Variants in TTN observed in about 807,000 individuals in gnomAD.
The protein encoded by TTN is connectin.
TTN carries 1,525 observed loss-of-function variants against 3,223.0 expected under a neutral mutation model. The ratio of observed to expected loss-of-function variants is 0.47; its 90% CI spans 0.45 to 0.49. The LOEUF (loss-of-function observed/expected upper bound fraction) is 0.49, where lower values mean the gene tolerates loss of function less well. Ranked by LOEUF, TTN falls within the 20% of genes least tolerant of loss-of-function variation. The pLI, the probability that TTN is intolerant of heterozygous loss-of-function variation, is 0.00. For synonymous variants in TTN, 14,094 were observed against 15,161.0 expected (o/e 0.93, Z 5.17); for missense variants, 40,786 against 43,424.0 (o/e 0.94, Z 5.40).
chr2:178,750,936 G>T, intron 47 of TTN: 1 of 1,612,766 alleles, frequency 6.2e-7, no homozygotes. Context: ...CCATATAAAT[G>T]GTCTTTTGGT....
intron 6 of TTN, chr2:178,799,226 C>A: frequency 4.2e-6 from 2 of 477,454 alleles, no homozygotes; most frequent in Admixed American, 6.7e-5. Context: ...ATCACCCTGA[C>A]CTGCCACGCC....
In TTN at chr2:178,543,528, T is replaced by C. The variant is rs972033083; in HGVS notation, c.96445A>G (p.Met32149Val). ...NYIVEKREAA[M>V]RAFKTVTTKC... is the part of the protein sequence containing the mutation. Reference sequence around the variant, plus strand: ...GTAGTTACTGTTTTGAATGCTCTCATAGCAGCTTCACGCTTCTCAACGATG... The same window carrying C: ...GTAGTTACTGTTTTGAATGCTCTCACAGCAGCTTCACGCTTCTCAACGATG... Residue 32149 changes from methionine to valine, a missense_variant, in exon 347 of 363, where the codon ATG (methionine) becomes GTG (valine). Coordinates refer to ENST00000589042, the MANE Select transcript of TTN (RefSeq NM_001267550.2). 1.9e-6 allele frequency: 3 copies of C among 1,613,338 alleles called. No homozygotes were observed. Among genetic ancestry groups the C allele is most frequent in the South Asian group, 1.1e-5 (1 of 91,066 alleles).
chr2:178,731,082 T>C lies in TTN; in HGVS notation c.17583A>G (p.Gln5861=). The change falls in exon 60 of 363, where the codon CAA becomes CAG. Residue 5861 remains glutamine, a synonymous_variant. Coordinates refer to ENST00000589042, the MANE Select transcript of TTN (RefSeq NM_001267550.2). ...TATATTTTGAGCCCAGGGTCAGTTC[T>C]TGGCCATCTTTAAACCATTTGGCTG... is the stretch of plus-strand genomic sequence containing the variant. ...EITAKWFKDG[Q]ELTLGSKYKI... The C allele has an allele frequency of 1.2e-6, 2 of 1,613,764 alleles. No homozygotes were observed. The highest frequency in any genetic ancestry group is 1.3e-5 in the African/African-American group (1 of 75,028).
chr2:178,704,405 G>T lies in TTN; in HGVS notation c.29965C>A (p.Pro9989Thr), dbSNP rs1553877891. The T allele has an allele frequency of 7.4e-6, 12 of 1,612,672 alleles. No homozygotes were observed. Among genetic ancestry groups the T allele is most frequent in the Middle Eastern group, 1.7e-4 (1 of 6,060 alleles). Residue 9989 changes from proline to threonine, a missense_variant and splice_region_variant, in exon 106 of 363, where the codon CCT becomes ACT. Coordinates refer to ENST00000589042, the MANE Select transcript of TTN (RefSeq NM_001267550.2). ...TCCTGAAGATGCCGTTCCCATGCAG[G>T]CTCTGTTCATGTGATACAACACGCA... is the stretch of plus-strand genomic sequence containing the variant. The part of the protein sequence containing the change: ...IASAKLTVIE[P>T]AWERHLQDVT...
rs1695244650 is a variant in TTN, at chr2:178,542,835, C to T, written c.97019G>A (p.Trp32340Ter). The T allele has an allele frequency of 6.2e-7, 1 of 1,613,658 alleles. No individual in the cohort carries two copies. The highest frequency in any genetic ancestry group is 8.5e-7 in the Non-Finnish European group (1 of 1,179,788). ...TCTCAGTTTAGAACCAGCAAAGAAC[C>T]AGGAAGCAGCAGGAGGTGGACGGCC... is the stretch of plus-strand genomic sequence containing the variant. Reference protein sequence around the residue: ...IAGRPPPAASWFFAGSKLRES... With the variant: ...IAGRPPPAAS Residue 32340 changes from tryptophan to a stop codon, truncating the protein, a stop_gained, in exon 348 of 363, where the codon TGG becomes TAG. Transcript: ENST00000589042. LOFTEE classifies it high-confidence loss of function.
chr2:178,566,379 C>T lies in TTN; in HGVS notation c.79753G>A (p.Asp26585Asn), dbSNP rs771202190. 2.5e-6 allele frequency: 4 copies of T among 1,613,502 alleles called. No individual in the cohort carries two copies. Among genetic ancestry groups the T allele is most frequent in the Non-Finnish European group, 3.4e-6 (4 of 1,179,674 alleles). The change falls in exon 326 of 363, where the codon GAT becomes AAT. Residue 26585 changes from aspartate (D) to asparagine (N), a missense_variant. Physicochemically the swap from Asp to Asn is conservative, Grantham distance 23 (BLOSUM62 1). Transcript: ENST00000589042. ...TCAAGTTCAGGTGCTTCAAGTTTAT[C>T]TTCTGGTTTCACAGTACCAGGAACT... The part of the protein sequence containing the change: ...TSVPGTVKPE[D>N]KLEAPELDLD...
In TTN at chr2:178,729,647, A is replaced by T; in HGVS notation, c.18589+17T>A. Reference sequence around the variant, plus strand: ...AGGCAGCACAGCCAAAATGGAGAATAGATTCCATTCACGAACCTTTCACTT... The same window carrying T: ...AGGCAGCACAGCCAAAATGGAGAATTGATTCCATTCACGAACCTTTCACTT... On this transcript the variant is annotated intron_variant, in intron 63 of 362. Transcript: ENST00000589042. 6.2e-7 allele frequency: 1 copy of T among 1,613,700 alleles called. No homozygotes were observed. The highest frequency in any genetic ancestry group is 8.5e-7 in the Non-Finnish European group (1 of 1,179,682).
In TTN at chr2:178,533,155, A is replaced by G; in HGVS notation, c.103460T>C (p.Leu34487Pro). The G allele has an allele frequency of 6.2e-7, 1 of 1,613,988 alleles. No homozygotes were observed. The highest frequency in any genetic ancestry group is 8.5e-7 in the Non-Finnish European group (1 of 1,179,878). Residue 34487 changes from leucine (L) to proline (P), a missense_variant, in exon 358 of 363, where the codon CTT becomes CCT. Transcript: ENST00000589042. ...CAGTGGTACACTTTCAGTTCCAGAA[A>G]GAATTTCAGCCATTCTGAGGGTTTT... ...IDKTLRMAEI[L>P]SGTESVPLTQ...
intron 43 of TTN, 106 bp downstream of exon 43, chr2:178,764,071 A>T: frequency 6.6e-7 from 1 of 1,513,820 alleles, no homozygotes; most frequent in South Asian, 1.1e-5. Context: ...TTAAGCTTCA[A>T]ATTATGCATG....
Position 178,740,133 on chromosome 2 carries a change from T to G in TTN, c.13100A>C (p.Lys4367Thr). 1.2e-6 allele frequency: 2 copies of G among 1,613,858 alleles called. No individual in the cohort carries two copies. The change falls in exon 48 of 363, where the codon AAG becomes ACG. Residue 4367 changes from lysine to threonine, a missense_variant. By Grantham distance (78) the Lys-to-Thr change is moderately conservative (BLOSUM62 -1). Transcript: ENST00000589042. ...CCTTCCCTGTACCTCCTGCACTTTC[T>G]TTATTGCCACGGGCTCTCTTTTAGA... is the stretch of plus-strand genomic sequence containing the variant. ...IESKREPVAI[K>T]KVQEVQGRDL...
chr2:178,665,029 C>A, intron 165 of TTN, 103 bp from the exon 166 acceptor site: 1 of 1,323,924 alleles, frequency 7.6e-7, no homozygotes, highest in South Asian at 1.3e-5. Flanking sequence ...TCTCTTTCCT[C>A]CATCCTCCCT....
chr2:178,554,352 G>T, intron 332 of TTN, 101 bp downstream of exon 332: 1 of 1,433,966 alleles, frequency 7.0e-7, no homozygotes, highest in Non-Finnish European at 9.5e-7. Flanking sequence ...ATGGTAATGA[G>T]ACAGGTGTTA....
At position 178,613,329 on chromosome 2, in the gene TTN, C is replaced by T. The variant is rs1169908845; in HGVS notation, c.49533-53G>A. ...TCATCATGGTAAGAAGCAGAAGAAG[C>T]CTATGTTTATTTTACACAGAAGAGA... On this transcript the variant is annotated intron_variant, in intron 263 of 362. Coordinates refer to ENST00000589042, the MANE Select transcript of TTN (RefSeq NM_001267550.2). The T allele has an allele frequency of 2.9e-6, 4 of 1,359,868 alleles. No homozygotes were observed. In the African/African-American group the frequency reaches 5.9e-5, roughly 20 times the overall value. 84.2% of individuals were successfully genotyped at this position (1,359,868 alleles called of 1,614,324 possible).
intron 88 of TTN, 77 bp from the exon 89 acceptor site, chr2:178,715,851 A>G: frequency 7.0e-7 from 1 of 1,423,932 alleles, no homozygotes; most frequent in Non-Finnish European, 9.3e-7. Flanking sequence ...GGAAAAAATA[A>G]TCTTTGCTAG....
Position 178,582,173 on chromosome 2 carries a change from T to C in TTN, c.66196A>G (p.Asn22066Asp), listed in dbSNP as rs1394300458. 12 of 1,612,830 alleles carry C rather than the reference T, an allele frequency of 7.4e-6. No individual in the cohort carries two copies. The highest frequency in any genetic ancestry group is 9.3e-6 in the Non-Finnish European group (11 of 1,179,482). The change falls in exon 315 of 363, where the codon AAC becomes GAC. Residue 22066 changes from asparagine to aspartate, a missense_variant. Coordinates refer to ENST00000589042, the MANE Select transcript of TTN (RefSeq NM_001267550.2). ...PGRCDPPVISNITKDHMTVSW... is the reference protein window; with the variant it reads ...PGRCDPPVISDITKDHMTVSW... ...ACTGTCATGTGATCTTTGGTTATGT[T>C]GCTAATAACAGGAGGATCACAGCGT...
chr2:178,571,902 T>G lies in TTN; in HGVS notation c.74230A>C (p.Thr24744Pro), dbSNP rs1359036046. ...KVDVPFIGRP[T>P]PAVTWHKDNV... is the part of the protein sequence containing the mutation. ...TCTTTATGCCAGGTTACAGCTGGGG[T>G]AGGGCGGCCAATGAATGGAACATCA... Residue 24744 changes from threonine to proline, a missense_variant, in exon 326 of 363, where the codon ACC (threonine) becomes CCC (proline). By Grantham distance (38) the Thr-to-Pro change is conservative (BLOSUM62 -1). Transcript: ENST00000589042. The G allele has an allele frequency of 1.2e-6, 2 of 1,613,220 alleles. No homozygotes were observed. The highest frequency in any genetic ancestry group is 8.5e-7 in the Non-Finnish European group (1 of 1,179,578).
In TTN at chr2:178,739,824, T is replaced by C. The variant is rs2082168777; in HGVS notation, c.13409A>G (p.Lys4470Arg). The C allele has an allele frequency of 4.3e-6, 7 of 1,613,922 alleles. No individual in the cohort carries two copies. Among genetic ancestry groups the C allele is most frequent in the Non-Finnish European group, 5.9e-6 (7 of 1,179,836 alleles). The change falls in exon 48 of 363, where the codon AAA becomes AGA. Residue 4470 changes from lysine (K) to arginine (R), a missense_variant. By Grantham distance (26) the Lys-to-Arg change is conservative (BLOSUM62 2). Coordinates refer to ENST00000589042, the MANE Select transcript of TTN (RefSeq NM_001267550.2). ...ACACAAAGCATCCCTAAGTTCCATT[T>C]TCAGGTTAGCCATTTGAGGATCAAC... ...EDVDPQMANL[K>R]MELRDALCAI...
intron 350 of TTN, 174 bp downstream of exon 350, chr2:178,541,108 A>C (rs192354033): frequency 1.7e-6 from 1 of 576,416 alleles, no homozygotes; most frequent in African/African-American, 1.9e-5. Flanking sequence ...ACTGATTACA[A>C]ACGGACACAA....
chr2:178,568,015 C>T lies in TTN; in HGVS notation c.78117G>A (p.Lys26039=), dbSNP rs772900049. The T allele has an allele frequency of 1.7e-5, 27 of 1,613,216 alleles. No individual in the cohort carries two copies. The highest frequency in any genetic ancestry group is 1.3e-4 in the Admixed American group (8 of 59,936). ...RKERNSILWT[K]VNKTIIHDTQ... ...TGTCATGAATAATAGTTTTGTTGAC[C>T]TTTGTCCACAAAATACTGTTTCTTT... is the stretch of plus-strand genomic sequence containing the variant. Residue 26039 remains lysine (K), a synonymous_variant, in exon 326 of 363, where the codon AAG becomes AAA. Coordinates refer to ENST00000589042, the MANE Select transcript of TTN (RefSeq NM_001267550.2).
Sources: gnomAD v4.1 joint callset for allele counts on GRCh38, gnomAD v4.1.1 for gene constraint, MANE v1.5 for transcripts, NCBI Gene and HGNC (gene_info 2026-07-23, HGNC 2026-07-21) for gene names.